Variants in ALOX15 observed in about 807,000 individuals in gnomAD.
ALOX15 encodes polyunsaturated fatty acid lipoxygenase ALOX15.
In ALOX15, 68 loss-of-function variants were observed where a neutral mutation model predicts 71.7. The observed-to-expected ratio is 0.95, with a 90% CI of 0.78 to 1.16. The LOEUF is 1.16. Ranked by LOEUF, ALOX15 falls within the 50% of genes most tolerant of loss-of-function variation. The pLI, the probability that ALOX15 is intolerant of heterozygous loss-of-function variation, is 0.00. For missense variants in ALOX15, 798 were observed against 818.8 expected, an observed-to-expected ratio of 0.97 and a Z score of 0.31; for synonymous variants, 346 against 333.3, an observed-to-expected ratio of 1.04 and a Z score of -0.42.
At position 4,639,462 on chromosome 17, in the gene ALOX15, C is replaced by A. The variant is rs41439950; in HGVS notation, c.305G>T (p.Gly102Val). ...VRFPCYRWVE[G>V]NGVLSLPEGT... ...TTCAGGCAGGCTCAGGACGCCGTTGCCCTCCACCCAGCGGTAACAAGGGAA... is the reference window on the plus strand; with the variant it reads ...TTCAGGCAGGCTCAGGACGCCGTTGACCTCCACCCAGCGGTAACAAGGGAA... Residue 102 changes from glycine to valine, a missense_variant, in exon 2 of 14, where the codon GGC becomes GTC. Physicochemically the swap from Gly to Val is moderately radical, Grantham distance 109. This residue lies in a region of ALOX15 where 300 missense variants were observed against 283.1 expected (regional missense o/e 1.06). Transcript: ENST00000293761. 736 of 1,613,538 alleles carry A rather than the reference C, an allele frequency of 4.6e-4. 1 individual carries two copies. Among genetic ancestry groups the A allele is most frequent in the Middle Eastern group, 2.8e-3 (17 of 6,058 alleles).
intron 8 of ALOX15, among the ~76,000 whole-genome samples, chr17:4,633,851 TGAA>T (rs374751513): frequency 3.9e-4 from 59 of 152,254 alleles, no homozygotes; most frequent in African/African-American, 1.3e-3. Context: ...TATGCAGCCA[TGAA>T]GAAGAACAAG....
At chr17:4,639,681 C>G in intron 1 of ALOX15, 50 bp from the exon 2 acceptor site, 1 of 1,548,652 alleles carries the variant, frequency 6.5e-7, no homozygotes, top group Non-Finnish European at 8.7e-7. Flanking sequence ...GCGGGAGGGG[C>G]ACCCGGCTGA....
chr17:4,640,629 ATTTTCTC>A (rs1911286001), intron 1 of ALOX15, among the ~76,000 whole-genome samples: 1 of 80,274 alleles, frequency 1.2e-5, no homozygotes, highest in Non-Finnish European at 2.7e-5. Flanking sequence ...CTCCGTGCGC[ATTTTCTC>A]TCTTCCTGGC....
intron 7 of ALOX15, among the ~76,000 whole-genome samples, 170 bp from the exon 8 acceptor site, chr17:4,636,138 C>G (rs544623358): frequency 8.5e-5 from 13 of 152,164 alleles, no homozygotes; most frequent in African/African-American, 3.1e-4. Context: ...CCTTCCTGCC[C>G]GCTCAGTGCA....
chr17:4,637,774 G>A (rs1911149330), intron 6 of ALOX15, among the ~76,000 whole-genome samples: 1 of 152,104 alleles, frequency 6.6e-6, no homozygotes, highest in African/African-American at 2.4e-5. Flanking sequence ...GATAATCAGA[G>A]AGGTTGGGTA....
chr17:4,639,540 C>G lies in ALOX15; in HGVS notation c.227G>C (p.Trp76Ser). Residue 76 changes from tryptophan (W) to serine (S), a missense_variant, in exon 2 of 14, where the codon TGG (tryptophan) becomes TCG (serine). By Grantham distance (177) the Trp-to-Ser change is radical. Transcript: ENST00000293761. ...RKRHLLKDDA[W>S]FCNWISVQGP... ...CTGCACAGAGATCCAGTTGCAGAAC[C>G]AGGCGTCGTCCTTAAGGAGGTGCCG... The G allele has an allele frequency of 6.2e-7, 1 of 1,613,954 alleles. No individual in the cohort carries two copies. Among genetic ancestry groups the G allele is most frequent in the Non-Finnish European group, 8.5e-7 (1 of 1,180,008 alleles).
rs968954727 is a variant in ALOX15 at position 4,631,387 on chromosome 17, G to T, written c.*213C>A. 1.7e-6 allele frequency: 1 copy of T among 576,196 alleles called. No homozygotes were observed. Among genetic ancestry groups the T allele is most frequent in the Non-Finnish European group, 3.0e-6 (1 of 329,380 alleles). The allele number at this position is 576,196 out of a possible 1,614,324, so 35.7% of individuals were successfully genotyped here. A position where few individuals can be genotyped will look rare whatever the true frequency, so the allele number is the denominator to read the frequency against. ...GGAAGAGAGAGAGGAAGGAAGATAG[G>T]AAAGGAGGAAGGAAGGAAAGAGGAG... On this transcript the variant is annotated 3_prime_UTR_variant, in exon 14 of 14. Transcript: ENST00000293761.
intron 5 of ALOX15, 49 bp downstream of exon 5, chr17:4,638,521 TTGGGTGGGATC>T (rs373022281): frequency 1.8e-4 from 277 of 1,547,170 alleles, no homozygotes; most frequent in South Asian, 6.7e-4. Context: ...TTCCCCTGGG[TTGGGTGGGATC>T]TGGGTGGGAT....
chr17:4,638,749 G>A (rs1911206997), intron 4 of ALOX15, 65 bp from the exon 5 acceptor site: 4 of 1,613,048 alleles, frequency 2.5e-6, no homozygotes, highest in Middle Eastern at 1.7e-4. Context: ...ACGACCACAG[G>A]CACCGATCCT....
At chr17:4,632,799 G>A in intron 11 of ALOX15, 62 bp downstream of exon 11, 4 of 1,609,602 alleles carry the variant, frequency 2.5e-6, no homozygotes, top group Non-Finnish European at 3.4e-6. Context: ...AGAAGCACAG[G>A]GGATTCTGGG....
At position 4,639,436 on chromosome 17, in the gene ALOX15, C is replaced by G; in HGVS notation, c.331G>C (p.Gly111Arg). The G allele has an allele frequency of 6.2e-7, 1 of 1,613,514 alleles. No individual in the cohort carries two copies. Among genetic ancestry groups the G allele is most frequent in the Non-Finnish European group, 8.5e-7 (1 of 1,179,930 alleles). Residue 111 changes from glycine to arginine, a missense_variant, in exon 2 of 14, where the codon GGC becomes CGC. By Grantham distance (125) the Gly-to-Arg change is moderately radical. Around this residue, in one of 3 missense-constraint regions of ALOX15, gnomAD observed 300 missense variants for 283.1 expected, o/e 1.06. Transcript: ENST00000293761. ...EGNGVLSLPEGTGRTVGEDPQ... is the reference protein window; with the variant it reads ...EGNGVLSLPERTGRTVGEDPQ... Reference sequence around the variant, plus strand: ...CCCTCAGCCCCGCGCTTACCGGTGCCTTCAGGCAGGCTCAGGACGCCGTTG... The same window carrying G: ...CCCTCAGCCCCGCGCTTACCGGTGCGTTCAGGCAGGCTCAGGACGCCGTTG...
At chr17:4,637,299 G>C in intron 6 of ALOX15, 41 bp from the exon 7 acceptor site, 1 of 1,573,624 alleles carries the variant, frequency 6.4e-7, no homozygotes, top group Non-Finnish European at 8.7e-7. Flanking sequence ...TCAACATAAA[G>C]CATCTTCTTC....
chr17:4,637,407 C>T lies in ALOX15; in HGVS notation c.808-149G>A, dbSNP rs1911135406. On this transcript the variant is annotated intron_variant, in intron 6 of 13. Transcript: ENST00000293761. Reference sequence around the variant, plus strand: ...GGATCATGTGCTTACTTCCTCATATCATTTTTTTTTTTAATCAGGGTCTTA... The same window carrying T: ...GGATCATGTGCTTACTTCCTCATATTATTTTTTTTTTTAATCAGGGTCTTA... 4.2e-6 allele frequency: 4 copies of T among 956,838 alleles called. No individual in the cohort carries two copies. In the South Asian group the frequency reaches 1.0e-4, roughly 25 times the overall value. 59.3% of individuals were successfully genotyped at this position (956,838 alleles called of 1,614,324 possible).
At chr17:4,633,888 G>A (rs1911002536) in intron 8 of ALOX15, among the ~76,000 whole-genome samples, 1 of 152,188 alleles carries the variant, frequency 6.6e-6, no homozygotes, top group East Asian at 1.9e-4. Context: ...CAGCAACATG[G>A]ATGGAGCTGG....
intron 2 of ALOX15, 131 bp from the exon 3 acceptor site, chr17:4,639,263 C>T (rs1265243882): frequency 1.6e-5 from 22 of 1,400,156 alleles, no homozygotes; most frequent in Admixed American, 5.3e-5. Flanking sequence ...CTCCCCCAGG[C>T]TCCAGCCACT....
In ALOX15 at chr17:4,635,809, T is replaced by C. The variant is rs774408202; in HGVS notation, c.1111A>G (p.Ile371Val). ...AGGCACCTCATGGTGGCCACAACAA[T>C]GACCTCAGCCATCAAGTGTCCCCTC... Reference protein sequence around the residue: ...LLRGHLMAEVIVVATMRCLPS... With the variant: ...LLRGHLMAEVVVVATMRCLPS... The change falls in exon 8 of 14, where the codon ATT becomes GTT. Residue 371 changes from isoleucine (I) to valine (V), a missense_variant. Physicochemically the swap from Ile to Val is conservative, Grantham distance 29. Around this residue, in one of 3 missense-constraint regions of ALOX15, gnomAD observed 490 missense variants for 509.4 expected, o/e 0.96. Coordinates refer to ENST00000293761, the MANE Select transcript of ALOX15 (RefSeq NM_001140.5). 2 of 1,614,204 alleles carry C rather than the reference T, an allele frequency of 1.2e-6. No individual in the cohort carries two copies. Among genetic ancestry groups the C allele is most frequent in the East Asian group, 2.2e-5 (1 of 44,878 alleles).
Position 4,638,369 on chromosome 17 carries a change from G to T in ALOX15, c.655C>A (p.Arg219=), listed in dbSNP as rs552275481. The change falls in exon 6 of 14, where the codon CGG becomes AGG. Residue 219 remains arginine, a synonymous_variant. Transcript: ENST00000293761. The part of the protein sequence containing the change: ...CGQSKLAERV[R]DSWKEDALFG... ...AAGGCATCTTCCTTCCAGGAGTCCC[G>T]CACGCGCTCTGGGGAAGGCAGTTGT... The T allele has an allele frequency of 7.8e-5, 74 of 949,206 alleles. No homozygotes were observed. In the South Asian group the frequency reaches 1.1e-3, roughly 13 times the overall value. The allele number at this position is 949,206 out of a possible 1,614,324, so 58.8% of individuals were successfully genotyped here. A position where few individuals can be genotyped will look rare whatever the true frequency, so the allele number is the denominator to read the frequency against.
chr17:4,633,349 C>A (rs772550230), intron 9 of ALOX15, 34 bp from the exon 10 acceptor site: 2 of 1,610,404 alleles, frequency 1.2e-6, no homozygotes, highest in Non-Finnish European at 8.5e-7. Flanking sequence ...TCAGGCGAAT[C>A]GACCTGCCCT....
rs753671947 is a variant in ALOX15, at chr17:4,639,450, A to T, written c.317T>A (p.Leu106Gln). The change falls in exon 2 of 14, where the codon CTG (leucine) becomes CAG (glutamine). Residue 106 changes from leucine (L) to glutamine (Q), a missense_variant. By Grantham distance (113) the Leu-to-Gln change is moderately radical. This residue lies in a region of ALOX15 where 300 missense variants were observed against 283.1 expected (regional missense o/e 1.06). Coordinates refer to ENST00000293761, the MANE Select transcript of ALOX15 (RefSeq NM_001140.5). ...CYRWVEGNGV[L>Q]SLPEGTGRTV... The stretch of plus-strand genomic sequence containing the variant: ...CTTACCGGTGCCTTCAGGCAGGCTC[A>T]GGACGCCGTTGCCCTCCACCCAGCG... The T allele has an allele frequency of 1.6e-5, 26 of 1,613,480 alleles. 1 individual carries two copies. In the South Asian group the frequency reaches 2.9e-4, roughly 18 times the overall value.
Sources: allele counts gnomAD v4.1 joint callset (sites outside exome capture counted in the v4.1 genomes callset), GRCh38; gene constraint gnomAD v4.1.1; regional missense constraint gnomAD v4.1.1; transcripts MANE v1.5; gene names NCBI Gene and HGNC (gene_info 2026-07-23, HGNC 2026-07-21).